The following NRAP variants were observed in gnomAD, a reference collection of about 807,000 sequenced individuals.
The protein encoded by NRAP is nebulin-related-anchoring protein.
Under a neutral mutation model 225.9 loss-of-function variants are expected in NRAP, and 189 were observed. The observed-to-expected ratio is 0.84, with a 90% CI of 0.74 to 0.94. NRAP has a LOEUF of 0.94. NRAP is among the 40% of genes least tolerant of loss of function. NRAP has a pLI of 0.00. For synonymous variants in NRAP, 769 were observed against 790.7 expected, an observed-to-expected ratio of 0.97 and a Z score of 0.46; for missense variants, 2,176 against 2,168.7, an observed-to-expected ratio of 1.00 and a Z score of -0.07.
chr10:113,605,713 G>C (rs1316118947), intron 34 of NRAP, 49 bp downstream of exon 34: 1 of 1,219,916 alleles, frequency 8.2e-7, no homozygotes, highest in African/African-American at 1.5e-5. Context: ...TGTTTTACAT[G>C]AAGTTAACAG....
At chr10:113,647,974 T>C (rs768458140) in intron 9 of NRAP, among the ~76,000 whole-genome samples, 2 of 152,254 alleles carry the variant, frequency 1.3e-5, no homozygotes, top group Non-Finnish European at 2.9e-5. Context: ...CCAGATGTAC[T>C]TTAAGACCCA....
chr10:113,657,060 T>C (rs10885488), intron 4 of NRAP, among the ~76,000 whole-genome samples: 49,537 of 151,966 alleles, frequency 0.33, 8,758 homozygotes, highest in African/African-American at 0.48. Context: ...TCCTGACCCA[T>C]GTGAGTACAA....
At position 113,629,717 on chromosome 10, in the gene NRAP, G is replaced by T; in HGVS notation, c.1911C>A (p.Ile637=). ...GAGTTTGGGCCTTCTTAGCATGCCT[G>T]ATGTTTACCATATCCATGGGCAGGT... ...RFHLPMDMVN[I]RHAKKAQTLA... is the part of the protein sequence containing the mutation. Residue 637 remains isoleucine (I), a synonymous_variant, in exon 19 of 42, where the codon ATC becomes ATA. Transcript: ENST00000359988. 6.2e-7 allele frequency: 1 copy of T among 1,613,870 alleles called. No individual in the cohort carries two copies. The highest frequency in any genetic ancestry group is 1.1e-5 in the South Asian group (1 of 91,072).
chr10:113,626,260 A>G, intron 20 of NRAP, 115 bp from the exon 21 acceptor site: 1 of 699,142 alleles, frequency 1.4e-6, no homozygotes, highest in Non-Finnish European at 2.4e-6. Flanking sequence ...TTTCCTTGGG[A>G]GGAATGTTCT....
chr10:113,614,056 T>C (rs2133943087), intron 29 of NRAP, 127 bp downstream of exon 29: 13 of 691,682 alleles, frequency 1.9e-5, no homozygotes, highest in South Asian at 1.2e-4. Flanking sequence ...GATTTAACAA[T>C]GTCACGTAGC....
chr10:113,653,131 T>C (rs1592867875), intron 5 of NRAP, 92 bp from the exon 6 acceptor site: 2 of 692,744 alleles, frequency 2.9e-6, no homozygotes, highest in Admixed American at 5.6e-5. Context: ...ACTAGATTCA[T>C]AAAGTTCTTC....
intron 19 of NRAP, among the ~76,000 whole-genome samples, chr10:113,629,283 CTT>C (rs34658787): frequency 4.9e-4 from 74 of 151,926 alleles, no homozygotes; most frequent in Non-Finnish European, 8.4e-4. Context: ...GACCAAGGGC[CTT>C]TTTTTTGCCA....
rs1846380692 is a variant in NRAP, at chr10:113,597,975, G to A, written c.4326C>T (p.Ile1442=). 6.2e-7 allele frequency: 1 copy of A among 1,608,894 alleles called. No homozygotes were observed. Among genetic ancestry groups the A allele is most frequent in the African/African-American group, 1.3e-5 (1 of 74,732 alleles). The change falls in exon 36 of 42, where the codon ATC becomes ATT. Residue 1442 remains isoleucine, a synonymous_variant. Transcript: ENST00000359988. ...GGGGACAGGTTGATGGTACCTCGCT[G>A]ATGAGTTCTCCAGCCTTCTTTGCAC... ...MESAKKAGEL[I]SETKYRKKPD...
chr10:113,605,828 G>A lies in NRAP; in HGVS notation c.3849C>T (p.Gly1283=). The A allele has an allele frequency of 1.2e-6, 2 of 1,614,162 alleles. No individual in the cohort carries two copies. Among genetic ancestry groups the A allele is most frequent in the Non-Finnish European group, 1.7e-6 (2 of 1,179,992 alleles). ...GGAGCGCTTCTATTGTCAGCTTGTA[G>A]CCTTGAGCACGAAGATTACGCCAGG... ...KESWRNLRAQ[G]YKLTIEALPF... is the part of the protein sequence containing the mutation. Residue 1283 remains glycine, a synonymous_variant, in exon 34 of 42, where the codon GGC becomes GGT. Transcript: ENST00000359988.
At chr10:113,649,687 C>A (rs1275629762) in intron 9 of NRAP, among the ~76,000 whole-genome samples, 2 of 152,188 alleles carry the variant, frequency 1.3e-5, no homozygotes, top group Non-Finnish European at 2.9e-5. Flanking sequence ...GCATTTTGAT[C>A]TCTATGTTGC....
Position 113,631,467 on chromosome 10 carries a change from C to T in NRAP, c.1842+42G>A, listed in dbSNP as rs757864258. On this transcript the variant is annotated intron_variant, in intron 18 of 41. Transcript: ENST00000359988. ...GGCCCAGGGAAAACTTTTAAAATAA[C>T]ACAACTGTAAGTGAGAGGTTGGGGG... is the stretch of plus-strand genomic sequence containing the variant. 1.3e-5 allele frequency: 17 copies of T among 1,283,766 alleles called. No homozygotes were observed. In the Admixed American group the frequency reaches 3.3e-4, roughly 25 times the overall value. The allele number at this position is 1,283,766 out of a possible 1,614,324, so 79.5% of individuals were successfully genotyped here.
chr10:113,627,312 T>G (rs1848341061), intron 20 of NRAP, among the ~76,000 whole-genome samples: 1 of 152,204 alleles, frequency 6.6e-6, no homozygotes. Flanking sequence ...CACAAGTACT[T>G]GCTGAGCAGC....
At chr10:113,650,013 T>A in intron 9 of NRAP, 24 bp downstream of exon 9, 2 of 1,325,830 alleles carry the variant, frequency 1.5e-6, no homozygotes, top group East Asian at 4.6e-5. Flanking sequence ...AAAGAGCAGG[T>A]CAGGAGATCA....
At chr10:113,637,415 C>T (rs571252927) in intron 14 of NRAP, among the ~76,000 whole-genome samples, 7 of 152,318 alleles carry the variant, frequency 4.6e-5, no homozygotes, top group African/African-American at 1.4e-4. Context: ...CTCTATAAAC[C>T]TGGTTTGCCA....
At chr10:113,644,493 T>A (rs1849387595) in intron 11 of NRAP, among the ~76,000 whole-genome samples, 1 of 152,186 alleles carries the variant, frequency 6.6e-6, no homozygotes, top group Admixed American at 6.5e-5. Context: ...CAGGAACAAA[T>A]GTGATATGAA....
At chr10:113,606,110 G>C in intron 33 of NRAP, 68 bp downstream of exon 33, 1 of 1,171,896 alleles carries the variant, frequency 8.5e-7, no homozygotes, top group Non-Finnish European at 1.3e-6. Context: ...TCAGTGTTGG[G>C]TTACTTCACA....
At chr10:113,606,125 T>C in intron 33 of NRAP, 53 bp downstream of exon 33, 2 of 1,295,728 alleles carry the variant, frequency 1.5e-6, no homozygotes, top group Non-Finnish European at 2.2e-6. Context: ...TTCACAGATG[T>C]AGACATACAT....
chr10:113,643,003 A>T lies in NRAP; in HGVS notation c.1146T>A (p.Gly382=), dbSNP rs1298552410. Residue 382 remains glycine, a synonymous_variant, in exon 12 of 42, where the codon GGT becomes GGA. Coordinates refer to ENST00000359988, the MANE Select transcript of NRAP (RefSeq NM_198060.4). ...EYKKDLESSR[G]HSINYCETPQ... is the part of the protein sequence containing the mutation. ...GTGTTTCACAGTAGTTGATACTGTG[A>T]CCTCTACTACTTTCCAGATCCTTCT... 7.5e-6 allele frequency: 12 copies of T among 1,600,206 alleles called. No individual in the cohort carries two copies. The highest frequency in any genetic ancestry group is 1.0e-5 in the Non-Finnish European group (12 of 1,167,474).
chr10:113,601,768 C>T (rs1846616689), intron 35 of NRAP, among the ~76,000 whole-genome samples: 1 of 152,128 alleles, frequency 6.6e-6, no homozygotes, highest in Non-Finnish European at 1.5e-5. Flanking sequence ...CCTTCTTCCT[C>T]AGTTAGTAAA....
Sources: allele counts gnomAD v4.1 joint callset (sites outside exome capture counted in the v4.1 genomes callset), GRCh38; gene constraint gnomAD v4.1.1; transcripts MANE v1.5; gene names NCBI Gene and HGNC (gene_info 2026-07-23, HGNC 2026-07-21).